TASP1: variants seen among roughly 807,000 people sequenced by gnomAD.
The protein encoded by TASP1 is threonine aspartase 1.
A neutral mutation model predicts 56.6 loss-of-function variants in TASP1; 16 were observed. The observed-to-expected ratio is 0.28, with a 90% CI of 0.19 to 0.43. TASP1 has a LOEUF of 0.43. Among genes scored for constraint, TASP1 ranks in the 20% least tolerant of loss-of-function variants. TASP1 has a pLI of 1.00. For missense variants in TASP1, 393 were observed against 511.6 expected, an observed-to-expected ratio of 0.77 and a Z score of 2.24; for synonymous variants, 179 against 184.2, an observed-to-expected ratio of 0.97 and a Z score of 0.23.
At chr20:13,261,010 T>A in the TASP1 span, among the ~76,000 whole-genome samples, 7 of 152,188 alleles carry the variant, frequency 4.6e-5, no homozygotes, top group African/African-American at 1.7e-4. Flanking sequence ...TAGCTTGGCC[T>A]TCTTCACCGA....
chr20:13,364,292 A>C, the TASP1 span, among the ~76,000 whole-genome samples: 1 of 152,192 alleles, frequency 6.6e-6, no homozygotes, highest in African/African-American at 2.4e-5. Flanking sequence ...AAAATGTTTG[A>C]TGATGAGAAA....
At chr20:13,311,983 T>C in the TASP1 span, among the ~76,000 whole-genome samples, 2 of 152,146 alleles carry the variant, frequency 1.3e-5, no homozygotes, top group Admixed American at 6.5e-5. Flanking sequence ...ACTAGCTTAA[T>C]TTTCCCACAA....
the TASP1 span, among the ~76,000 whole-genome samples, chr20:13,380,809 C>T: frequency 1.1e-4 from 17 of 152,210 alleles, no homozygotes; most frequent in Middle Eastern, 3.2e-3. Context: ...AGTTTGGCTA[C>T]AGCAGCTTTG....
At chr20:13,331,673 C>CTTTTTTT in the TASP1 span, among the ~76,000 whole-genome samples, 1 of 131,426 alleles carries the variant, frequency 7.6e-6, no homozygotes, top group African/African-American at 2.7e-5. Context: ...TTTTTTGTGG[C>CTTTTTTT]TTTTTTTTTT....
At chr20:13,218,012 G>A in the TASP1 span, among the ~76,000 whole-genome samples, 2 of 152,124 alleles carry the variant, frequency 1.3e-5, no homozygotes, top group African/African-American at 4.8e-5. Flanking sequence ...CACTTTGGGA[G>A]GCCGAAGCGG....
intron 13 of TASP1, among the ~76,000 whole-genome samples, chr20:13,395,453 T>C (rs2041490007): frequency 6.6e-6 from 1 of 152,210 alleles, no homozygotes; most frequent in African/African-American, 2.4e-5. Context: ...ATAGAAAACA[T>C]CTAATTTTTC....
the TASP1 span, among the ~76,000 whole-genome samples, chr20:13,338,330 G>A: frequency 6.6e-6 from 1 of 152,176 alleles, no homozygotes. Flanking sequence ...AGGAAGACCA[G>A]ATGTCACTTT....
chr20:13,112,255 AC>A, the TASP1 span, among the ~76,000 whole-genome samples: 1 of 152,116 alleles, frequency 6.6e-6, no homozygotes, highest in Admixed American at 6.5e-5. Context: ...ATCCAAAATT[AC>A]CCCACTTGCA....
intron 12 of TASP1, among the ~76,000 whole-genome samples, chr20:13,433,062 G>A (rs1055776788): frequency 6.6e-6 from 1 of 151,924 alleles, no homozygotes; most frequent in Admixed American, 6.6e-5. Context: ...TGCCATGGAG[G>A]GCTTGCTACA....
Position 13,459,160 on chromosome 20 carries a change from C to T in TASP1, c.986-24006G>A, listed in dbSNP as rs111376817. Among the ~76,000 whole-genome samples the T allele has an allele frequency of 2.0e-4, 31 of 152,236 alleles. 3 individuals carry two copies. Among genetic ancestry groups the T allele is most frequent in the African/African-American group, 7.2e-4 (30 of 41,564 alleles). ...TGCATGGAGACTATCCTTCCAACTC[C>T]ATGACTTCTCAATTTTTTTACCTCT... On this transcript the variant is annotated intron_variant, in intron 11 of 13. Transcript: ENST00000337743.
At chr20:13,427,965 T>C (rs531316973) in intron 12 of TASP1, among the ~76,000 whole-genome samples, 2 of 152,304 alleles carry the variant, frequency 1.3e-5, no homozygotes, top group Admixed American at 1.3e-4. Flanking sequence ...ATTACATGTG[T>C]GCTCATCGCA....
intron 10 of TASP1, among the ~76,000 whole-genome samples, chr20:13,496,566 G>C (rs2043739280): frequency 6.6e-6 from 1 of 150,740 alleles, no homozygotes; most frequent in African/African-American, 2.4e-5. Flanking sequence ...ATGTATTCAA[G>C]AGGAGTCTGA....
At chr20:13,338,766 G>A in the TASP1 span, among the ~76,000 whole-genome samples, 2 of 152,166 alleles carry the variant, frequency 1.3e-5, no homozygotes, top group African/African-American at 4.8e-5. Context: ...GAAAGATGCA[G>A]TCCACCCTCC....
chr20:13,600,119 G>A (rs1443358439), intron 4 of TASP1, among the ~76,000 whole-genome samples: 2 of 152,092 alleles, frequency 1.3e-5, no homozygotes, highest in East Asian at 3.8e-4. Flanking sequence ...ATAATCTTGA[G>A]AGATATTTTT....
chr20:13,627,847 T>C (rs2048951340), intron 2 of TASP1, among the ~76,000 whole-genome samples: 1 of 151,456 alleles, frequency 6.6e-6, no homozygotes, highest in Admixed American at 6.6e-5. Context: ...TTCCTGTAAA[T>C]AATTAGGAAG....
chr20:13,623,264 T>C (rs2048780258), intron 4 of TASP1, among the ~76,000 whole-genome samples, 182 bp downstream of exon 4: 1 of 152,176 alleles, frequency 6.6e-6, no homozygotes, highest in South Asian at 2.1e-4. Context: ...CCAGCTTTTA[T>C]ATTACTCAGA....
At chr20:13,419,684 C>A (rs1003438654) in intron 12 of TASP1, among the ~76,000 whole-genome samples, 1 of 152,146 alleles carries the variant, frequency 6.6e-6, no homozygotes, top group Non-Finnish European at 1.5e-5. Context: ...AGTTGAGACC[C>A]AACTGTGTGA....
intron 11 of TASP1, among the ~76,000 whole-genome samples, chr20:13,449,150 G>T (rs1332569326): frequency 6.6e-6 from 1 of 151,968 alleles, no homozygotes; most frequent in African/African-American, 2.4e-5. Context: ...CAGTGCTCCC[G>T]AGCAATGCCT....
intron 11 of TASP1, among the ~76,000 whole-genome samples, chr20:13,436,571 G>A (rs1164766999): frequency 6.6e-6 from 1 of 152,154 alleles, no homozygotes; most frequent in Admixed American, 6.5e-5. Context: ...TAAAGAAGGT[G>A]AACTAGAGAG....
Sources: gnomAD v4.1 joint callset for allele counts (sites outside exome capture counted in the v4.1 genomes callset) on GRCh38, gnomAD v4.1.1 for gene constraint, MANE v1.5 for transcripts, NCBI Gene and HGNC (gene_info 2026-07-23, HGNC 2026-07-21) for gene names.